Variants in ARB2A observed in about 807,000 individuals in gnomAD.
ARB2A encodes the protein ARB2 cotranscriptional regulator A.
the ARB2A span, chr5:93,776,059 T>C: frequency 2.1e-6 from 2 of 973,000 alleles, no homozygotes; most frequent in Non-Finnish European, 3.1e-6. Context: ...AACTCAAAGA[T>C]AAAAACAAAC....
chr5:93,793,232 C>G, the ARB2A span, among the ~76,000 whole-genome samples: 10 of 86,414 alleles, frequency 1.2e-4, no homozygotes, highest in African/African-American at 3.8e-4. Context: ...ACCAACACTT[C>G]TGGCTAATTT....
chr5:94,053,067 T>A, the ARB2A span: 1 of 556,742 alleles, frequency 1.8e-6, no homozygotes. Flanking sequence ...AAATTTTGCA[T>A]ATACTATAGA....
At chr5:93,747,465 A>C in the ARB2A span, among the ~76,000 whole-genome samples, 1 of 152,152 alleles carries the variant, frequency 6.6e-6, no homozygotes, top group Non-Finnish European at 1.5e-5. Context: ...GGAAAATTCA[A>C]GAGGTAGTAC....
chr5:94,050,841 T>A, the ARB2A span: 1 of 1,561,688 alleles, frequency 6.4e-7, no homozygotes, highest in South Asian at 1.2e-5. Flanking sequence ...TCTAAGAAGA[T>A]AAACAAACAA....
chr5:93,763,565 C>T, the ARB2A span, among the ~76,000 whole-genome samples: 19 of 152,226 alleles, frequency 1.2e-4, no homozygotes, highest in Admixed American at 1.2e-3. Context: ...TAGAGACCTA[C>T]AAAGAGACTT....
At chr5:93,851,947 A>G in the ARB2A span, among the ~76,000 whole-genome samples, 1 of 152,206 alleles carries the variant, frequency 6.6e-6, no homozygotes, top group African/African-American at 2.4e-5. Context: ...AGCATGATTT[A>G]TAGTCCTTTG....
chr5:93,810,578 ATT>A, the ARB2A span, among the ~76,000 whole-genome samples: 1 of 151,828 alleles, frequency 6.6e-6, no homozygotes, highest in Non-Finnish European at 1.5e-5. Context: ...ATTTAAAAAA[ATT>A]TTTTGTAGAG....
At chr5:93,741,529 G>A in the ARB2A span, 1 of 1,599,100 alleles carries the variant, frequency 6.3e-7, no homozygotes, top group Admixed American at 1.7e-5. Context: ...GCCTGGAAGG[G>A]GGCAGAAGTG....
the ARB2A span, among the ~76,000 whole-genome samples, chr5:94,108,488 G>A: frequency 6.6e-6 from 1 of 151,996 alleles, no homozygotes; most frequent in African/African-American, 2.4e-5. Flanking sequence ...AAAAGTCATG[G>A]TGGCTGCCTT....
chr5:93,856,477 G>A, the ARB2A span, among the ~76,000 whole-genome samples: 14 of 152,162 alleles, frequency 9.2e-5, no homozygotes, highest in African/African-American at 1.9e-4. Flanking sequence ...GGCTTTGTTC[G>A]TTTCTTTTTA....
the ARB2A span, among the ~76,000 whole-genome samples, chr5:93,856,909 G>A: frequency 6.6e-6 from 1 of 151,644 alleles, no homozygotes; most frequent in African/African-American, 2.4e-5. Context: ...CCATCTTTGT[G>A]GTTTTATCTA....
chr5:93,869,409 A>AT, the ARB2A span, among the ~76,000 whole-genome samples: 1 of 152,194 alleles, frequency 6.6e-6, no homozygotes, highest in African/African-American at 2.4e-5. Context: ...AGGGAGCTCA[A>AT]TTTGAAGAAT....
chr5:93,924,026 T>C, the ARB2A span, among the ~76,000 whole-genome samples: 1 of 152,116 alleles, frequency 6.6e-6, no homozygotes, highest in Non-Finnish European at 1.5e-5. Flanking sequence ...ATTTGTGTTT[T>C]CTAGGAGGCT....
the ARB2A span, among the ~76,000 whole-genome samples, chr5:94,010,901 A>G: frequency 6.6e-6 from 1 of 152,102 alleles, no homozygotes; most frequent in Non-Finnish European, 1.5e-5. Flanking sequence ...TCAGAGGAAA[A>G]TACGCTACAC....
At chr5:93,793,648 C>T in the ARB2A span, among the ~76,000 whole-genome samples, 1 of 152,044 alleles carries the variant, frequency 6.6e-6, no homozygotes, top group African/African-American at 2.4e-5. Context: ...GGTTAGGAAG[C>T]TAGAGTAATG....
the ARB2A span, among the ~76,000 whole-genome samples, chr5:93,982,358 T>A: frequency 1.3e-5 from 2 of 152,176 alleles, no homozygotes; most frequent in African/African-American, 4.8e-5. Flanking sequence ...ATATACTGCA[T>A]CCTATTTACT....
chr5:93,982,058 T>C, the ARB2A span, among the ~76,000 whole-genome samples: 1 of 152,184 alleles, frequency 6.6e-6, no homozygotes, highest in Admixed American at 6.5e-5. Context: ...TTCATATTAC[T>C]GGCCAAGAAG....
chr5:93,991,730 A>G, the ARB2A span, among the ~76,000 whole-genome samples: 10 of 152,078 alleles, frequency 6.6e-5, no homozygotes, highest in Non-Finnish European at 1.5e-4. Context: ...CCCTCAAATA[A>G]AAGATTGGCA....
At chr5:93,891,666 C>A in the ARB2A span, among the ~76,000 whole-genome samples, 1 of 151,912 alleles carries the variant, frequency 6.6e-6, no homozygotes. Flanking sequence ...AGAAAAGAAA[C>A]CTTATTATGA....
Sources: allele counts gnomAD v4.1 joint callset (sites outside exome capture counted in the v4.1 genomes callset), GRCh38; gene constraint gnomAD v4.1.1; transcripts MANE v1.5; gene names NCBI Gene and HGNC (gene_info 2026-07-23, HGNC 2026-07-21).